The following ZC3H12B variants were observed in gnomAD, a reference collection of about 807,000 sequenced individuals.
The protein encoded by ZC3H12B is zinc finger CCCH-type containing 12B, also known as probable ribonuclease ZC3H12B.
ZC3H12B carries 7 observed loss-of-function variants against 43.9 expected under a neutral mutation model. The observed-to-expected ratio is 0.16, with a 90% CI of 0.09 to 0.30. ZC3H12B has a LOEUF of 0.30. Among genes scored for constraint, ZC3H12B ranks in the 10% least tolerant of loss-of-function variants. The probability of loss-of-function intolerance (pLI) is 1.00; values close to 1 mark genes in which losing one functional copy is unlikely to be tolerated. For missense variants in ZC3H12B, 475 were observed against 670.2 expected, an observed-to-expected ratio of 0.71 and a Z score of 3.22; for synonymous variants, 222 against 241.7, an observed-to-expected ratio of 0.92 and a Z score of 0.76.
intron 3 of ZC3H12B, among the ~76,000 whole-genome samples, chrX:65,458,833 A>G (rs1162711589): frequency 1.8e-5 from 2 of 111,608 alleles, no homozygotes; most frequent in Admixed American, 1.9e-4. Context: ...TTCAAAAGCT[A>G]GCAGAAGACA....
chrX:65,474,596 T>A (rs2067968090), intron 3 of ZC3H12B, among the ~76,000 whole-genome samples: 1 of 111,682 alleles, frequency 9.0e-6, no homozygotes, highest in African/African-American at 3.3e-5. Flanking sequence ...CTCTTTTCTA[T>A]CTCGCTTTCT....
chrX:65,216,124 C>T, the ZC3H12B span, among the ~76,000 whole-genome samples: 4 of 111,584 alleles, frequency 3.6e-5, no homozygotes, highest in Non-Finnish European at 7.5e-5. Flanking sequence ...TTGAATTAAA[C>T]AACTATATAT....
the ZC3H12B span, among the ~76,000 whole-genome samples, chrX:65,357,800 C>A: frequency 9.0e-6 from 1 of 111,473 alleles, no homozygotes; most frequent in Non-Finnish European, 1.9e-5. Flanking sequence ...TGCAAAATAA[C>A]CAGCTAGCAT....
intron 3 of ZC3H12B, among the ~76,000 whole-genome samples, chrX:65,426,281 A>C (rs1407527118): frequency 9.7e-6 from 1 of 103,237 alleles, no homozygotes; most frequent in African/African-American, 3.6e-5. Context: ...GGTTGTTTGC[A>C]TTTCTGTGGT....
intron 2 of ZC3H12B, among the ~76,000 whole-genome samples, chrX:65,382,085 C>T (rs1231728099): frequency 8.9e-6 from 1 of 111,841 alleles, no homozygotes; most frequent in Non-Finnish European, 1.9e-5. Context: ...AGAGGGAATC[C>T]TCCCTAATTC....
At chrX:65,180,446 A>C in the ZC3H12B span, among the ~76,000 whole-genome samples, 1 of 110,173 alleles carries the variant, frequency 9.1e-6, no homozygotes, top group Non-Finnish European at 1.9e-5. Flanking sequence ...AACTGGCACA[A>C]GACAATAGGA....
intron 3 of ZC3H12B, among the ~76,000 whole-genome samples, chrX:65,426,149 G>T (rs2067079483): frequency 9.4e-6 from 1 of 106,650 alleles, no homozygotes; most frequent in Admixed American, 1.0e-4. Flanking sequence ...CTCATTATTG[G>T]TCTGTTCTGG....
At chrX:65,238,968 G>A in the ZC3H12B span, among the ~76,000 whole-genome samples, 1 of 111,428 alleles carries the variant, frequency 9.0e-6, no homozygotes, top group South Asian at 3.7e-4. Context: ...GATGTCAGGG[G>A]TTTTTTTATT....
the ZC3H12B span, among the ~76,000 whole-genome samples, chrX:65,337,453 T>G: frequency 8.9e-6 from 1 of 112,415 alleles, no homozygotes; most frequent in African/African-American, 3.2e-5. Context: ...TTGTACAATG[T>G]GGTAGATATA....
the ZC3H12B span, among the ~76,000 whole-genome samples, chrX:65,181,606 C>T: frequency 4.0e-4 from 45 of 111,988 alleles, no homozygotes; most frequent in African/African-American, 1.5e-3. Flanking sequence ...TGAACAGACA[C>T]TTCTCAAAGG....
the ZC3H12B span, among the ~76,000 whole-genome samples, chrX:65,181,237 T>C: frequency 3.6e-5 from 4 of 112,067 alleles, no homozygotes; most frequent in African/African-American, 1.3e-4. Context: ...TTTTATACCT[T>C]ATGCAAAAAA....
chrX:65,448,390 G>A lies in ZC3H12B; in HGVS notation n.408-40256G>A, dbSNP rs757429066. Reference sequence around the variant, plus strand: ...ATTCAATCCAGCAATCCCACTACAGGGTATCTACCCCTTCTTTAAAGGAAA... The same window carrying A: ...ATTCAATCCAGCAATCCCACTACAGAGTATCTACCCCTTCTTTAAAGGAAA... On this transcript the variant is annotated intron_variant and non_coding_transcript_variant, in intron 3 of 5. Transcript: ENST00000617377. 1.4e-4 allele frequency among the ~76,000 whole-genome samples: 16 copies of A among 111,811 alleles called. No individual in the cohort carries two copies. In the South Asian group the frequency reaches 5.6e-3, roughly 39 times the overall value.
At chrX:65,330,415 G>T in the ZC3H12B span, among the ~76,000 whole-genome samples, 3 of 110,807 alleles carry the variant, frequency 2.7e-5, no homozygotes, top group African/African-American at 9.8e-5. Context: ...CTGCCTGATT[G>T]CCCTGGCCAG....
the ZC3H12B span, among the ~76,000 whole-genome samples, chrX:65,153,883 T>G: frequency 1.8e-5 from 2 of 110,872 alleles, no homozygotes; most frequent in African/African-American, 3.3e-5. Flanking sequence ...ATATACACCA[T>G]GGAATACTAT....
intron 3 of ZC3H12B, chrX:65,408,255 A>G (rs777887907): frequency 2.0e-4 from 235 of 1,166,060 alleles, no homozygotes; most frequent in Non-Finnish European, 2.5e-4. Flanking sequence ...ACAGAAATGC[A>G]GAGGCACTAT....
chrX:65,227,707 A>G, the ZC3H12B span, among the ~76,000 whole-genome samples: 2 of 111,221 alleles, frequency 1.8e-5, no homozygotes, highest in Admixed American at 1.9e-4. Flanking sequence ...GGATATCACC[A>G]CCGATCCCAC....
chrX:65,203,492 C>T, the ZC3H12B span, among the ~76,000 whole-genome samples: 1 of 110,487 alleles, frequency 9.1e-6, no homozygotes, highest in African/African-American at 3.3e-5. Flanking sequence ...TGGCACATTC[C>T]TTTCTGGCCC....
chrX:65,078,539 G>A, the ZC3H12B span, among the ~76,000 whole-genome samples: 1 of 111,957 alleles, frequency 8.9e-6, no homozygotes, highest in African/African-American at 3.2e-5. Flanking sequence ...AAATGTTGCT[G>A]AGCGATCAAG....
Position 65,435,871 on chromosome X carries a change from C to T in ZC3H12B, n.407+37167C>T, listed in dbSNP as rs139796408. 8.9e-3 allele frequency among the ~76,000 whole-genome samples: 1,000 copies of T among 112,173 alleles called. 4 individuals carry two copies. The highest frequency in any genetic ancestry group is 0.066 in the South Asian group (176 of 2,684). ...CAGAAGAACCAATGGTGTAACTCTTCAATCAAAGGCTAAGTGTCTGAGAAT... is the reference window on the plus strand; with the variant it reads ...CAGAAGAACCAATGGTGTAACTCTTTAATCAAAGGCTAAGTGTCTGAGAAT... On this transcript the variant is annotated intron_variant and non_coding_transcript_variant, in intron 3 of 5. Coordinates refer to the ZC3H12B transcript ENST00000617377.
Sources: gnomAD v4.1 joint callset for allele counts (sites outside exome capture counted in the v4.1 genomes callset) on GRCh38, gnomAD v4.1.1 for gene constraint, MANE v1.5 for transcripts, NCBI Gene and HGNC (gene_info 2026-07-23, HGNC 2026-07-21) for gene names.